NEK7: variants seen among roughly 807,000 people sequenced by gnomAD.
NEK7 encodes the protein NIMA related kinase 7, also known as serine/threonine-protein kinase Nek7.
In NEK7, 18 loss-of-function variants were observed where a neutral mutation model predicts 44.6. The observed-to-expected ratio is 0.40, with a 90% CI of 0.28 to 0.60. NEK7 has a LOEUF of 0.60. Ranked by LOEUF, NEK7 falls within the 20% of genes least tolerant of loss-of-function variation. The probability of loss-of-function intolerance (pLI) is 0.38; values close to 1 mark genes in which losing one functional copy is unlikely to be tolerated. For synonymous variants in NEK7, 130 were observed against 121.1 expected (o/e 1.07, Z -0.48); for missense variants, 256 against 366.5 (o/e 0.70, Z 2.46).
At chr1:198,221,767 G>A (rs1666083246) in intron 1 of NEK7, among the ~76,000 whole-genome samples, 1 of 151,858 alleles carries the variant, frequency 6.6e-6, no homozygotes, top group Non-Finnish European at 1.5e-5. Context: ...GATATTTAGG[G>A]AAAAGTGTAT....
chr1:198,185,212 TTG>T (rs1254900311), intron 1 of NEK7, among the ~76,000 whole-genome samples: 1 of 149,420 alleles, frequency 6.7e-6, no homozygotes, highest in South Asian at 2.1e-4. Flanking sequence ...TTTTTTTTTT[TTG>T]GTCAGAAGAG....
intron 7 of NEK7, among the ~76,000 whole-genome samples, chr1:198,291,208 GC>G (rs532860034): frequency 6.6e-6 from 1 of 152,078 alleles, no homozygotes; most frequent in Non-Finnish European, 1.5e-5. Context: ...GTTTTCAGTT[GC>G]CCCCCTGTGG....
intron 1 of NEK7, among the ~76,000 whole-genome samples, chr1:198,201,178 T>C (rs1665420503): frequency 1.3e-5 from 2 of 152,122 alleles, no homozygotes; most frequent in South Asian, 4.1e-4. Flanking sequence ...GACGAGGGGA[T>C]AACAGAAGCA....
intron 1 of NEK7, among the ~76,000 whole-genome samples, chr1:198,212,340 G>A (rs2102821170): frequency 6.6e-6 from 1 of 152,326 alleles, no homozygotes; most frequent in South Asian, 2.1e-4. Flanking sequence ...GGGCAGTTTT[G>A]TGTTCTGAGC....
At chr1:198,302,351 T>G (rs1233149224) in intron 9 of NEK7, among the ~76,000 whole-genome samples, 1 of 151,102 alleles carries the variant, frequency 6.6e-6, no homozygotes, top group Non-Finnish European at 1.5e-5. Flanking sequence ...ACTGTCCCTC[T>G]CCTTTTTTTT....
At chr1:198,265,604 G>A (rs1386039130) in intron 5 of NEK7, among the ~76,000 whole-genome samples, 1 of 152,060 alleles carries the variant, frequency 6.6e-6, no homozygotes, top group East Asian at 1.9e-4. Flanking sequence ...GTCCTAGTTA[G>A]AGGCAGAGAC....
At chr1:198,205,634 G>A (rs1051832910) in intron 1 of NEK7, among the ~76,000 whole-genome samples, 1 of 151,786 alleles carries the variant, frequency 6.6e-6, no homozygotes, top group African/African-American at 2.4e-5. Flanking sequence ...TAAATGAAAA[G>A]TATTTACTCA....
At chr1:198,206,374 T>C (rs1031740954) in intron 1 of NEK7, among the ~76,000 whole-genome samples, 3 of 152,180 alleles carry the variant, frequency 2.0e-5, no homozygotes, top group African/African-American at 7.2e-5. Flanking sequence ...TTAAAGATTC[T>C]GTTTTATGTG....
chr1:198,311,697 A>G (rs1168786033), intron 9 of NEK7, among the ~76,000 whole-genome samples: 1 of 152,162 alleles, frequency 6.6e-6, no homozygotes, highest in Non-Finnish European at 1.5e-5. Flanking sequence ...TGAGATAATC[A>G]TGTGGTTTTT....
At chr1:198,197,023 G>A (rs1665258014) in intron 1 of NEK7, among the ~76,000 whole-genome samples, 1 of 152,112 alleles carries the variant, frequency 6.6e-6, no homozygotes, top group African/African-American at 2.4e-5. Context: ...CTAACACAAG[G>A]CCTGGCAGAT....
chr1:198,316,200 C>T (rs1028589309), intron 9 of NEK7, among the ~76,000 whole-genome samples: 1 of 152,084 alleles, frequency 6.6e-6, no homozygotes. Context: ...TCAAACACAA[C>T]CATACTGGAG....
intron 1 of NEK7, among the ~76,000 whole-genome samples, chr1:198,172,782 G>A (rs1208573914): frequency 6.6e-6 from 1 of 152,070 alleles, no homozygotes; most frequent in Non-Finnish European, 1.5e-5. Flanking sequence ...AAGAGCAAAG[G>A]AGAAGAAATA....
chr1:198,240,521 T>C (rs961439521), intron 2 of NEK7, among the ~76,000 whole-genome samples: 3 of 151,144 alleles, frequency 2.0e-5, no homozygotes, highest in South Asian at 4.2e-4. Context: ...AAAAGAAATA[T>C]GCTTTAATAA....
At chr1:198,225,249 A>T (rs569759512) in intron 1 of NEK7, among the ~76,000 whole-genome samples, 1 of 110,116 alleles carries the variant, frequency 9.1e-6, no homozygotes, top group Non-Finnish European at 1.7e-5. Context: ...AGAAGCGTGT[A>T]GGTTACAAAA....
rs543612382 is a variant in NEK7 at position 198,321,735 on chromosome 1, T to C, written c.*2213T>C. The C allele has an allele frequency of 6.6e-6, 1 of 152,232 alleles. No individual in the cohort carries two copies. Among genetic ancestry groups the C allele is most frequent in the Non-Finnish European group, 1.5e-5 (1 of 67,944 alleles). The allele number at this position is 152,232 out of a possible 1,614,324, so 9.4% of individuals were successfully genotyped here. A position where few individuals can be genotyped will look rare whatever the true frequency, so the allele number is the denominator to read the frequency against. ...AAGAAACCACTGTGTAAAAATCAAA[T>C]TTTAATTTTGAATGGAATAATTTCA... On this transcript the variant is annotated 3_prime_UTR_variant, in exon 10 of 10. Transcript: ENST00000367385.
rs114122972 is a variant in NEK7 at position 198,247,841 on chromosome 1, T to C, written c.58-5199T>C. On this transcript the variant is annotated intron_variant, in intron 2 of 9. Transcript: ENST00000367385. ...ATTAAAAGATAAAATGTACTAAGGG[T>C]TAATGCAAAGTGTTGCCCGTATATC... Among the ~76,000 whole-genome samples the C allele has an allele frequency of 4.3e-3, 660 of 152,124 alleles. 7 individuals carry two copies. Among genetic ancestry groups the C allele is most frequent in the African/African-American group, 0.015 (629 of 41,488 alleles).
intron 2 of NEK7, among the ~76,000 whole-genome samples, chr1:198,247,726 T>A (rs903717818): frequency 5.3e-5 from 8 of 151,942 alleles, no homozygotes; most frequent in Non-Finnish European, 1.2e-4. Flanking sequence ...CTTTTTTTTT[T>A]AAGAGAAAAC....
At position 198,297,116 on chromosome 1, in the gene NEK7, G is replaced by T; in HGVS notation, c.685-11G>T. 6.5e-7 allele frequency: 1 copy of T among 1,549,502 alleles called. No homozygotes were observed. Among genetic ancestry groups the T allele is most frequent in the Non-Finnish European group, 8.9e-7 (1 of 1,122,590 alleles). On this transcript the variant is annotated splice_polypyrimidine_tract_variant and intron_variant, in intron 8 of 9. Coordinates refer to ENST00000367385, the MANE Select transcript of NEK7 (RefSeq NM_133494.3). ...TCTAACTATATCAGTTTCATTGGGG[G>T]CATTTTACAGATGGCTGCATTACAA...
At chr1:198,179,871 G>A (rs1664710408) in intron 1 of NEK7, among the ~76,000 whole-genome samples, 1 of 152,020 alleles carries the variant, frequency 6.6e-6, no homozygotes, top group Admixed American at 6.6e-5. Context: ...ACACAAAGTA[G>A]ACTGAACTTA....
Sources: gnomAD v4.1 joint callset for allele counts (sites outside exome capture counted in the v4.1 genomes callset) on GRCh38, gnomAD v4.1.1 for gene constraint, MANE v1.5 for transcripts, NCBI Gene and HGNC (gene_info 2026-07-23, HGNC 2026-07-21) for gene names.